Variants in ST3GAL6 observed in about 807,000 individuals in gnomAD.
ST3GAL6 encodes the protein type 2 lactosamine alpha-2,3-sialyltransferase.
ST3GAL6 carries 31 observed loss-of-function variants against 40.5 expected under a neutral mutation model. The observed-to-expected ratio is 0.77, with a 90% CI of 0.58 to 1.03. The LOEUF is 1.03. Ranked by LOEUF, ST3GAL6 falls within the 50% of genes least tolerant of loss-of-function variation. The pLI is 0.00. For missense variants in ST3GAL6, 357 were observed against 393.2 expected (o/e 0.91, Z 0.78); for synonymous variants, 129 against 136.9 (o/e 0.94, Z 0.40).
intron 1 of ST3GAL6, among the ~76,000 whole-genome samples, chr3:98,750,184 A>T (rs184318297): frequency 4.6e-5 from 7 of 152,326 alleles, no homozygotes; most frequent in Admixed American, 3.9e-4. Context: ...TTTCTTCATC[A>T]GAGCACATTT....
chr3:98,755,927 C>CTTGATGAGAAGGAG (rs1165887645), intron 1 of ST3GAL6, among the ~76,000 whole-genome samples: 3 of 151,824 alleles, frequency 2.0e-5, no homozygotes. Flanking sequence ...TCTTGATCTC[C>CTTGATGAGAAGGAG]TCCTCATTCT....
At position 98,732,783 on chromosome 3, in the gene ST3GAL6, G is replaced by A. The variant is rs2107224524; in HGVS notation, c.-12+251G>A. On this transcript the variant is annotated intron_variant, in intron 1 of 9. Transcript: ENST00000265261. Reference sequence around the variant, plus strand: ...TCCTCTGCTCCCCCGCCAGATCCGCGGGGAAGGAATCGTGCCCGCGCCGCC... The same window carrying A: ...TCCTCTGCTCCCCCGCCAGATCCGCAGGGAAGGAATCGTGCCCGCGCCGCC... 5 of 1,353,734 alleles carry A rather than the reference G, an allele frequency of 3.7e-6. No homozygotes were observed. The South Asian group carries it at 4.4e-5, about 12-fold the overall frequency. 83.9% of individuals were successfully genotyped at this position (1,353,734 alleles called of 1,614,324 possible).
intron 1 of ST3GAL6, among the ~76,000 whole-genome samples, chr3:98,740,502 A>C: frequency 6.6e-6 from 1 of 151,998 alleles, no homozygotes. Context: ...CTGTTCTTTG[A>C]CACTCAGTGC....
chr3:98,753,880 T>C (rs1228872055), intron 1 of ST3GAL6, among the ~76,000 whole-genome samples: 1 of 152,364 alleles, frequency 6.6e-6, no homozygotes, highest in South Asian at 2.1e-4. Context: ...AAGCCAGTTA[T>C]TGAGACCTGC....
upstream of ST3GAL6, among the ~76,000 whole-genome samples, chr3:98,762,361 A>C (rs541440749): frequency 1.3e-5 from 2 of 152,342 alleles, no homozygotes; most frequent in East Asian, 3.9e-4. Flanking sequence ...TTTTCTGTTA[A>C]TTTACTCAGC....
upstream of ST3GAL6, among the ~76,000 whole-genome samples, chr3:98,760,205 G>T (rs972947376): frequency 6.6e-6 from 1 of 152,076 alleles, no homozygotes; most frequent in African/African-American, 2.4e-5. Flanking sequence ...TGATCTTCTC[G>T]GCTGGATACA....
intron 1 of ST3GAL6, among the ~76,000 whole-genome samples, chr3:98,737,559 C>T (rs189011192): frequency 6.6e-6 from 1 of 152,288 alleles, no homozygotes; most frequent in East Asian, 1.9e-4. Context: ...CCTTTGATTT[C>T]AAGATGTCTC....
chr3:98,752,444 A>AT (rs1281847700), intron 1 of ST3GAL6, among the ~76,000 whole-genome samples: 3 of 151,190 alleles, frequency 2.0e-5, no homozygotes, highest in Non-Finnish European at 3.0e-5. Flanking sequence ...TAAAATATAT[A>AT]TTTTTTTCTT....
At chr3:98,732,279 A>G (rs1935078453) in exon 1 of ST3GAL6, 1 of 152,360 alleles carries the variant, frequency 6.6e-6, no homozygotes, top group South Asian at 2.1e-4. Context: ...CCGCGGCGCC[A>G]CAAGCCTCAG....
chr3:98,750,241 T>C (rs913425861), intron 1 of ST3GAL6, among the ~76,000 whole-genome samples: 1 of 152,222 alleles, frequency 6.6e-6, no homozygotes, highest in African/African-American at 2.4e-5. Flanking sequence ...TCACCATTCT[T>C]CTATGGAAGT....
chr3:98,780,613 G>A (rs1221723090), intron 5 of ST3GAL6, among the ~76,000 whole-genome samples: 1 of 152,198 alleles, frequency 6.6e-6, no homozygotes, highest in African/African-American at 2.4e-5. Flanking sequence ...GGGACCATAA[G>A]TAGGAGAGGC....
chr3:98,732,984 G>A (rs1290741578), intron 1 of ST3GAL6: 10 of 1,490,616 alleles, frequency 6.7e-6, no homozygotes, highest in Non-Finnish European at 8.0e-6. Flanking sequence ...CTTGCCGGCC[G>A]GCTTCGCTGC....
At chr3:98,734,596 T>C (rs1935366192) in intron 1 of ST3GAL6, among the ~76,000 whole-genome samples, 1 of 152,208 alleles carries the variant, frequency 6.6e-6, no homozygotes, top group African/African-American at 2.4e-5. Flanking sequence ...CCATATGTTG[T>C]TTACATGGTG....
At chr3:98,772,760 C>T (rs1395881181) in intron 3 of ST3GAL6, 53 bp from the exon 4 acceptor site, 7 of 1,214,904 alleles carry the variant, frequency 5.8e-6, no homozygotes, top group African/African-American at 1.5e-5. Context: ...ATTTTAAAAG[C>T]TTGCAAATAT....
At position 98,793,023 on chromosome 3, in the gene ST3GAL6, T is replaced by A. The variant is rs1941338219; in HGVS notation, c.910-652T>A. Reference sequence around the variant, plus strand: ...CACTATATAAGCTGAGAAAGTGGTATAAATCAGGTTAGATTTAGTATTGTC... The same window carrying A: ...CACTATATAAGCTGAGAAAGTGGTAAAAATCAGGTTAGATTTAGTATTGTC... On this transcript the variant is annotated intron_variant, in intron 9 of 9. Transcript: ENST00000483910. 2.0e-5 allele frequency among the ~76,000 whole-genome samples: 3 copies of A among 152,316 alleles called. 1 individual carries two copies. The East Asian group carries it at 5.8e-4, about 29-fold the overall frequency.
In ST3GAL6 at chr3:98,769,707, A is replaced by G. The variant is rs146975133; in HGVS notation, c.90-1172A>G. 6.7e-4 allele frequency among the ~76,000 whole-genome samples: 102 copies of G among 152,366 alleles called. 1 individual carries two copies. Among genetic ancestry groups the G allele is most frequent in the Admixed American group, 2.5e-3 (38 of 15,300 alleles). ...CAAGTACCTTGGGATATTAGCTCAG[A>G]CAGTTGTTTGTGCAATGAACTTGCT... On this transcript the variant is annotated intron_variant, in intron 2 of 9. Transcript: ENST00000483910.
At chr3:98,761,270 C>A (rs1184447661), upstream of ST3GAL6, among the ~76,000 whole-genome samples, 2 of 151,900 alleles carry the variant, frequency 1.3e-5, no homozygotes, top group East Asian at 1.9e-4. Flanking sequence ...TATAGTGAGA[C>A]CCTGTCTCAA....
At chr3:98,749,176 T>TA (rs1226800407) in intron 1 of ST3GAL6, among the ~76,000 whole-genome samples, 1 of 152,204 alleles carries the variant, frequency 6.6e-6, no homozygotes, top group African/African-American at 2.4e-5. Context: ...GAGTTAAATT[T>TA]AGCAAGAAAT....
chr3:98,756,265 T>C, intron 1 of ST3GAL6: 1 of 960,440 alleles, frequency 1.0e-6, no homozygotes, highest in Non-Finnish European at 1.4e-6. Context: ...CAGAAGTGAG[T>C]TTACTAAAAT....
Sources: allele counts gnomAD v4.1 joint callset (sites outside exome capture counted in the v4.1 genomes callset), GRCh38; gene constraint gnomAD v4.1.1; transcripts MANE v1.5; gene names NCBI Gene and HGNC (gene_info 2026-07-23, HGNC 2026-07-21).